PDE3B: variants seen among roughly 807,000 people sequenced by gnomAD.
PDE3B encodes cGMP-inhibited 3',5'-cyclic phosphodiesterase 3B.
PDE3B carries 66 observed loss-of-function variants against 116.8 expected under a neutral mutation model. That is an observed-to-expected ratio of 0.56 (90% CI 0.46 to 0.69). The LOEUF (loss-of-function observed/expected upper bound fraction) is 0.69, where lower values mean the gene tolerates loss of function less well. Ranked by LOEUF, PDE3B falls within the 30% of genes least tolerant of loss-of-function variation. PDE3B has a pLI of 0.00. For synonymous variants in PDE3B, 595 were observed against 533.6 expected (o/e 1.12, Z -1.59); for missense variants, 1,384 against 1,368.1 (o/e 1.01, Z -0.18).
At chr11:14,661,798 G>A (rs533792831) in intron 1 of PDE3B, among the ~76,000 whole-genome samples, 1 of 152,236 alleles carries the variant, frequency 6.6e-6, no homozygotes, top group Non-Finnish European at 1.5e-5. Context: ...AAACAAAGCA[G>A]CAGGTAAGCT....
intron 1 of PDE3B, among the ~76,000 whole-genome samples, chr11:14,676,168 T>C (rs1854526215): frequency 6.6e-6 from 1 of 152,264 alleles, no homozygotes; most frequent in Non-Finnish European, 1.5e-5. Context: ...AATTTTAAAA[T>C]TGGATTGTTC....
intron 2 of PDE3B, among the ~76,000 whole-genome samples, chr11:14,780,630 A>G (rs1272145621): frequency 6.6e-6 from 1 of 152,236 alleles, no homozygotes; most frequent in Non-Finnish European, 1.5e-5. Flanking sequence ...GAACAAAGAC[A>G]CAACATACCA....
intron 1 of PDE3B, among the ~76,000 whole-genome samples, chr11:14,726,190 A>G (rs926005911): frequency 1.7e-4 from 26 of 152,156 alleles, no homozygotes; most frequent in Admixed American, 1.3e-4. Flanking sequence ...TGACCACCCT[A>G]TATAAATAAG....
the PDE3B span, among the ~76,000 whole-genome samples, chr11:14,898,591 A>ATATAG: frequency 3.3e-5 from 5 of 152,162 alleles, no homozygotes; most frequent in African/African-American, 1.2e-4. Flanking sequence ...TATTTTACAT[A>ATATAG]CGGATGTGGA....
chr11:14,881,538 G>A, the PDE3B span, among the ~76,000 whole-genome samples: 1 of 152,094 alleles, frequency 6.6e-6, no homozygotes, highest in Non-Finnish European at 1.5e-5. Flanking sequence ...ATTTCACATT[G>A]ATAAGTGATT....
chr11:14,785,370 C>T (rs1291548599), intron 2 of PDE3B, among the ~76,000 whole-genome samples: 1 of 151,952 alleles, frequency 6.6e-6, no homozygotes, highest in African/African-American at 2.4e-5. Context: ...TACATATTAA[C>T]ACTTCATAAG....
chr11:14,673,872 A>G lies in PDE3B; in HGVS notation c.978+28819A>G, dbSNP rs1854451055. The G allele has an allele frequency of 2.8e-6, 4 of 1,420,870 alleles. No homozygotes were observed. The South Asian group carries it at 3.4e-5, about 12-fold the overall frequency. The allele number at this position is 1,420,870 out of a possible 1,614,324, so 88.0% of individuals were successfully genotyped here. ...TTTGTAGAGTAGTTGGGTGCCCAAC[A>G]TTACGTTGAAGTATTCTTTTATCCC... On this transcript the variant is annotated intron_variant, in intron 1 of 15. Transcript: ENST00000282096.
At chr11:14,661,250 C>A (rs1269826292) in intron 1 of PDE3B, among the ~76,000 whole-genome samples, 1 of 152,182 alleles carries the variant, frequency 6.6e-6, no homozygotes, top group African/African-American at 2.4e-5. Flanking sequence ...TTCACAATAG[C>A]AAAGACTTGG....
intron 4 of PDE3B, among the ~76,000 whole-genome samples, chr11:14,795,553 T>C (rs1005719203): frequency 6.6e-6 from 1 of 152,174 alleles, no homozygotes; most frequent in Non-Finnish European, 1.5e-5. Context: ...CCTGTAACTC[T>C]TAATTCTAAA....
chr11:14,855,766 A>G (rs1847837687), intron 12 of PDE3B, among the ~76,000 whole-genome samples: 1 of 152,164 alleles, frequency 6.6e-6, no homozygotes, highest in South Asian at 2.1e-4. Context: ...GAGAGGAGAT[A>G]GGAAGTGCTG....
the PDE3B span, among the ~76,000 whole-genome samples, chr11:14,884,492 T>C: frequency 1.6e-5 from 2 of 127,328 alleles, no homozygotes; most frequent in African/African-American, 6.1e-5. Flanking sequence ...TGAGAACACA[T>C]GGACACAGGA....
intron 10 of PDE3B, 37 bp from the exon 11 acceptor site, chr11:14,834,945 T>C: frequency 8.9e-7 from 1 of 1,124,148 alleles, no homozygotes. Flanking sequence ...AAATGTTGTG[T>C]GTTAAACCTA....
intron 1 of PDE3B, among the ~76,000 whole-genome samples, chr11:14,748,744 A>G (rs116856365): frequency 0.023 from 3,441 of 152,282 alleles, 63 homozygotes; most frequent in Non-Finnish European, 0.038. Flanking sequence ...TATCTGAGAC[A>G]GCTACATTTA....
At chr11:14,667,925 G>T (rs1180626599) in intron 1 of PDE3B, among the ~76,000 whole-genome samples, 1 of 151,606 alleles carries the variant, frequency 6.6e-6, no homozygotes, top group Non-Finnish European at 1.5e-5. Flanking sequence ...AGCTCAAATA[G>T]CTATTGAATG....
intron 1 of PDE3B, among the ~76,000 whole-genome samples, chr11:14,768,094 A>G (rs1316215524): frequency 2.0e-5 from 3 of 151,012 alleles, no homozygotes; most frequent in African/African-American, 7.3e-5. Context: ...TTATTCCCAC[A>G]TTTTTTTCTG....
intron 4 of PDE3B, among the ~76,000 whole-genome samples, chr11:14,798,942 TC>T (rs1165900977): frequency 6.6e-6 from 1 of 152,242 alleles, no homozygotes; most frequent in Non-Finnish European, 1.5e-5. Context: ...TCAGTTCTGT[TC>T]TGATCTTAGT....
chr11:14,866,067 G>A (rs1848039801), intron 14 of PDE3B, among the ~76,000 whole-genome samples: 1 of 152,100 alleles, frequency 6.6e-6, no homozygotes, highest in African/African-American at 2.4e-5. Flanking sequence ...TTTCCTCATT[G>A]ATAAAATAGG....
the PDE3B span, among the ~76,000 whole-genome samples, chr11:14,889,618 G>A: frequency 6.6e-6 from 1 of 152,082 alleles, no homozygotes; most frequent in Admixed American, 6.6e-5. Context: ...AAGAACCATG[G>A]TTCCCTCAAA....
At chr11:14,731,709 G>A (rs987497577) in intron 1 of PDE3B, among the ~76,000 whole-genome samples, 1 of 152,054 alleles carries the variant, frequency 6.6e-6, no homozygotes, top group South Asian at 2.1e-4. Context: ...TAAGTTAAGC[G>A]TTTTTGTTCC....
Sources: gnomAD v4.1 joint callset for allele counts (sites outside exome capture counted in the v4.1 genomes callset) on GRCh38, gnomAD v4.1.1 for gene constraint, MANE v1.5 for transcripts, NCBI Gene and HGNC (gene_info 2026-07-23, HGNC 2026-07-21) for gene names.